SNX8: variants seen among roughly 807,000 people sequenced by gnomAD.
SNX8 encodes sorting nexin 8, also known as sorting nexin-8.
SNX8 carries 25 observed loss-of-function variants against 51.6 expected under a neutral mutation model. The ratio of observed to expected loss-of-function variants is 0.48; its 90% confidence interval spans 0.35 to 0.68. The LOEUF (loss-of-function observed/expected upper bound fraction) is 0.68, where lower values mean the gene tolerates loss of function less well. Ranked by LOEUF, SNX8 falls within the 30% of genes least tolerant of loss-of-function variation. SNX8 has a pLI of 0.00. For missense variants in SNX8, 695 were observed against 624.0 expected, an observed-to-expected ratio of 1.11 and a Z score of -1.21; for synonymous variants, 324 against 277.0, an observed-to-expected ratio of 1.17 and a Z score of -1.68.
In SNX8 at chr7:2,287,005, G is replaced by C. The variant is rs537063415; in HGVS notation, c.95-8700C>G. The stretch of plus-strand genomic sequence containing the variant: ...CATACAAAAATTAGCCAGGCGTGGT[G>C]GTGGGCACCTGTAATCCCAGCTACT... On this transcript the variant is annotated intron_variant, in intron 1 of 10. Transcript: ENST00000222990. Among the ~76,000 whole-genome samples the C allele has an allele frequency of 1.1e-4, 16 of 151,460 alleles. No individual in the cohort carries two copies. In the South Asian group the frequency reaches 2.5e-3, roughly 24 times the overall value.
At chr7:2,345,169 T>C (rs1270745993) in intron 1 of SNX8, among the ~76,000 whole-genome samples, 1 of 152,140 alleles carries the variant, frequency 6.6e-6, no homozygotes, top group African/African-American at 2.4e-5. Flanking sequence ...ATACTATTTA[T>C]AACACTGAAA....
At chr7:2,341,582 G>A (rs1288467230) in intron 1 of SNX8, among the ~76,000 whole-genome samples, 2 of 152,164 alleles carry the variant, frequency 1.3e-5, no homozygotes, top group Non-Finnish European at 2.9e-5. Flanking sequence ...CGAGATGGGA[G>A]GATTGCTGGA....
chr7:2,298,645 C>T (rs1796325537), intron 1 of SNX8, among the ~76,000 whole-genome samples: 1 of 151,686 alleles, frequency 6.6e-6, no homozygotes, highest in Admixed American at 6.6e-5. Flanking sequence ...GCTGGGATTA[C>T]AGGCATGAGC....
intron 1 of SNX8, chr7:2,308,069 G>C (rs1188501042): frequency 6.6e-6 from 1 of 152,082 alleles, no homozygotes; most frequent in Non-Finnish European, 1.5e-5. Flanking sequence ...GTGTGAGAGA[G>C]AGACAGAGAG....
intron 1 of SNX8, among the ~76,000 whole-genome samples, chr7:2,280,992 C>T (rs1330505376): frequency 6.6e-6 from 1 of 152,060 alleles, no homozygotes; most frequent in East Asian, 1.9e-4. Flanking sequence ...AGGGTTTTAC[C>T]ATGTTGGCCA....
At chr7:2,299,696 T>C (rs1281528970) in intron 1 of SNX8, among the ~76,000 whole-genome samples, 1 of 152,140 alleles carries the variant, frequency 6.6e-6, no homozygotes, top group African/African-American at 2.4e-5. Flanking sequence ...TTAACCCTCC[T>C]CCTGGCTGGT....
chr7:2,295,418 A>G (rs1745867482), intron 1 of SNX8, among the ~76,000 whole-genome samples: 1 of 149,566 alleles, frequency 6.7e-6, no homozygotes, highest in Non-Finnish European at 1.5e-5. Context: ...AAAAAAAAAA[A>G]AAGAGGCCAG....
chr7:2,292,435 G>A (rs1043051261), intron 1 of SNX8, among the ~76,000 whole-genome samples: 19 of 149,690 alleles, frequency 1.3e-4, no homozygotes, highest in Non-Finnish European at 1.5e-4. Flanking sequence ...TTTTTAAGAC[G>A]GAGTCTTGCT....
chr7:2,348,197 T>C (rs1392858501), intron 1 of SNX8, among the ~76,000 whole-genome samples: 1 of 152,144 alleles, frequency 6.6e-6, no homozygotes, highest in Non-Finnish European at 1.5e-5. Flanking sequence ...TCGTTTCTTC[T>C]GCCAACTCGA....
chr7:2,348,315 GTA>G (rs1364051037), intron 1 of SNX8, among the ~76,000 whole-genome samples: 1 of 148,866 alleles, frequency 6.7e-6, no homozygotes, highest in Non-Finnish European at 1.5e-5. Context: ...GGCGAGTACA[GTA>G]TCTTTTTCTT....
intron 1 of SNX8, among the ~76,000 whole-genome samples, chr7:2,296,468 G>C (rs1004224472): frequency 6.6e-6 from 1 of 151,924 alleles, no homozygotes; most frequent in African/African-American, 2.4e-5. Flanking sequence ...TCAAATCTAG[G>C]AGTCTTCTAG....
At chr7:2,257,239 G>A in intron 9 of SNX8, 126 bp downstream of exon 9, 1 of 1,240,178 alleles carries the variant, frequency 8.1e-7, no homozygotes, top group South Asian at 1.5e-5. Context: ...TGCCTCCACT[G>A]CACCCCCAGC....
chr7:2,345,751 T>C (rs1011069088), intron 1 of SNX8, among the ~76,000 whole-genome samples: 2 of 144,006 alleles, frequency 1.4e-5, no homozygotes, highest in African/African-American at 5.9e-5. Context: ...CTGGTTGTGA[T>C]ATTATTGTGT....
At chr7:2,285,079 G>A (rs1386218608) in intron 1 of SNX8, among the ~76,000 whole-genome samples, 1 of 151,996 alleles carries the variant, frequency 6.6e-6, no homozygotes, top group Non-Finnish European at 1.5e-5. Flanking sequence ...GGGTGTGGTG[G>A]CGGACACCTG....
At chr7:2,351,335 T>C (rs1291550656) in intron 1 of SNX8, among the ~76,000 whole-genome samples, 2 of 152,018 alleles carry the variant, frequency 1.3e-5, no homozygotes, top group African/African-American at 4.8e-5. Context: ...GAGAACTGCT[T>C]GAGCCCAGGA....
At chr7:2,284,188 C>T (rs1584700349) in intron 1 of SNX8, among the ~76,000 whole-genome samples, 1 of 152,112 alleles carries the variant, frequency 6.6e-6, no homozygotes, top group South Asian at 2.1e-4. Context: ...CCTCAGCCTC[C>T]TATAGTGCTG....
At chr7:2,324,959 T>C (rs146223677) in intron 1 of SNX8, among the ~76,000 whole-genome samples, 39 of 147,962 alleles carry the variant, frequency 2.6e-4, no homozygotes, top group Non-Finnish European at 4.3e-4. Flanking sequence ...GCATTGGCCA[T>C]GTAGCCAGGC....
intron 1 of SNX8, among the ~76,000 whole-genome samples, chr7:2,282,031 T>C (rs560904709): frequency 6.6e-6 from 1 of 152,288 alleles, no homozygotes; most frequent in South Asian, 2.1e-4. Context: ...TGCCGCTCAC[T>C]ATCTGTGAGA....
intron 1 of SNX8, among the ~76,000 whole-genome samples, chr7:2,304,263 G>C (rs1011707943): frequency 6.6e-6 from 1 of 151,808 alleles, no homozygotes; most frequent in African/African-American, 2.4e-5. Context: ...CCATCTCCCC[G>C]GCCGGGCACG....
Sources: gnomAD v4.1 joint callset for allele counts (sites outside exome capture counted in the v4.1 genomes callset) on GRCh38, gnomAD v4.1.1 for gene constraint, MANE v1.5 for transcripts, NCBI Gene and HGNC (gene_info 2026-07-23, HGNC 2026-07-21) for gene names.